ZNF431: variants seen among roughly 807,000 people sequenced by gnomAD.
ZNF431 encodes the protein zinc finger protein 431.
In ZNF431, 34 loss-of-function variants were observed where a neutral mutation model predicts 57.0. That is an observed-to-expected ratio of 0.60 (90% CI 0.45 to 0.79). The LOEUF is 0.79. ZNF431 is among the 30% of genes least tolerant of loss of function. The pLI, the probability that ZNF431 is intolerant of heterozygous loss-of-function variation, is 0.00. For synonymous variants in ZNF431, 207 were observed against 220.3 expected, an observed-to-expected ratio of 0.94 and a Z score of 0.54; for missense variants, 607 against 667.1, an observed-to-expected ratio of 0.91 and a Z score of 0.99.
chr19:21,186,231 C>T lies in ZNF431; in HGVS notation c.*2197C>T. ...CTGGGAGGTGGAGGTTGCAATGAGC[C>T]AAGATCACCCCACTGCACTCCAGCC... On this transcript the variant is annotated 3_prime_UTR_variant, in exon 5 of 5. Coordinates refer to ENST00000311048, the MANE Select transcript of ZNF431 (RefSeq NM_133473.4). 6.6e-6 allele frequency: 1 copy of T among 152,172 alleles called. No individual in the cohort carries two copies. Among genetic ancestry groups the T allele is most frequent in the Non-Finnish European group, 1.5e-5 (1 of 68,088 alleles). The allele number at this position is 152,172 out of a possible 1,614,324, so 9.4% of individuals were successfully genotyped here.
chr19:21,180,921 C>A (rs935838873), intron 4 of ZNF431, among the ~76,000 whole-genome samples: 4 of 143,650 alleles, frequency 2.8e-5, no homozygotes, highest in Non-Finnish European at 6.0e-5. Context: ...AGCCTGGCGA[C>A]AGAGTGAGAC....
rs756313635 is a variant in ZNF431 at position 21,183,972 on chromosome 19, AAAC to A, written c.1672_1674del (p.Gln558del). 1.3e-6 allele frequency: 2 copies of A among 1,595,054 alleles called. No homozygotes were observed. The highest frequency in any genetic ancestry group is 1.7e-6 in the Non-Finnish European group (2 of 1,173,622). On this transcript the variant is annotated inframe_deletion, in exon 5 of 5. Transcript: ENST00000311048. ...ATTTAACCAGTCCTCAAACCTTATTAAACAAAATAATTCATACTGGAGAGAAAC... is the reference window on the plus strand; with the variant it reads ...ATTTAACCAGTCCTCAAACCTTATTAAAAATAATTCATACTGGAGAGAAAC...
rs1166928986 is a variant in ZNF431 at position 21,184,075 on chromosome 19, T to C, written c.*41T>C. 4 of 1,507,148 alleles carry C rather than the reference T, an allele frequency of 2.7e-6. No homozygotes were observed. Among genetic ancestry groups the C allele is most frequent in the Non-Finnish European group, 3.5e-6 (4 of 1,130,122 alleles). The allele number at this position is 1,507,148 out of a possible 1,614,324, so 93.4% of individuals were successfully genotyped here. ...TACTAAGCATTAAATATTGGCCGGG[T>C]GCGGTGGCTTATGCAAAATGGCTCC... On this transcript the variant is annotated 3_prime_UTR_variant, in exon 5 of 5. Transcript: ENST00000311048.
intron 4 of ZNF431, among the ~76,000 whole-genome samples, chr19:21,174,191 T>G (rs999503606): frequency 1.3e-5 from 2 of 152,200 alleles, no homozygotes; most frequent in Non-Finnish European, 2.9e-5. Context: ...TGCTGAACTG[T>G]GAGCCAAATA....
rs565154793 is a variant in ZNF431 at position 21,161,938 on chromosome 19, G to A, written c.97-4397G>A. 2.1e-4 allele frequency among the ~76,000 whole-genome samples: 32 copies of A among 152,032 alleles called. No individual in the cohort carries two copies. The South Asian group carries it at 4.4e-3, about 21-fold the overall frequency. ...CAAAGTGTTGGGATTACAGGCGTGAGCCACCGCACCAAGCGTTCACCCCTT... is the reference window on the plus strand; with the variant it reads ...CAAAGTGTTGGGATTACAGGCGTGAACCACCGCACCAAGCGTTCACCCCTT... On this transcript the variant is annotated intron_variant, in intron 2 of 4. Transcript: ENST00000311048.
chr19:21,156,357 C>T (rs1970417060), intron 2 of ZNF431, among the ~76,000 whole-genome samples: 1 of 148,102 alleles, frequency 6.8e-6, no homozygotes, highest in Non-Finnish European at 1.5e-5. Flanking sequence ...CTTCCCCACG[C>T]ATGGATTTTT....
intron 2 of ZNF431, among the ~76,000 whole-genome samples, chr19:21,164,927 A>G (rs1188619761): frequency 2.6e-5 from 4 of 151,354 alleles, no homozygotes. Flanking sequence ...CCTGACCAAG[A>G]TGGATAAACC....
intron 2 of ZNF431, among the ~76,000 whole-genome samples, chr19:21,165,781 G>T (rs1970703899): frequency 6.6e-6 from 1 of 151,918 alleles, no homozygotes; most frequent in Non-Finnish European, 1.5e-5. Flanking sequence ...TTACAAGCCA[G>T]AAACATTGGG....
rs1234894915 is a variant in ZNF431 at position 21,190,591 on chromosome 19, G to A, written c.*6557G>A. The A allele has an allele frequency of 6.6e-6, 1 of 150,528 alleles. No individual in the cohort carries two copies. Among genetic ancestry groups the A allele is most frequent in the Non-Finnish European group, 1.5e-5 (1 of 67,806 alleles). 9.3% of individuals were successfully genotyped at this position (150,528 alleles called of 1,614,324 possible). A position where few individuals can be genotyped will look rare whatever the true frequency, so the allele number is the denominator to read the frequency against. On this transcript the variant is annotated 3_prime_UTR_variant, in exon 5 of 5. Transcript: ENST00000311048. ...TTTTTGTGATAATAGTCAACATTGAGCATTTAAAAATATATCCGTTGGACA... is the reference window on the plus strand; with the variant it reads ...TTTTTGTGATAATAGTCAACATTGAACATTTAAAAATATATCCGTTGGACA...
Position 21,190,072 on chromosome 19 carries a change from G to A in ZNF431, c.*6038G>A, listed in dbSNP as rs1971475709. On this transcript the variant is annotated 3_prime_UTR_variant, in exon 5 of 5. Coordinates refer to ENST00000311048, the MANE Select transcript of ZNF431 (RefSeq NM_133473.4). ...TAATCTCAGCTACTCCAGAGGCTGA[G>A]GCATGAGAATCCCTTGAACCACAGA... is the stretch of plus-strand genomic sequence containing the variant. 1 of 384,290 alleles carries A rather than the reference G, an allele frequency of 2.6e-6. No homozygotes were observed. Among genetic ancestry groups the A allele is most frequent in the African/African-American group, 2.1e-5 (1 of 48,412 alleles). The allele number at this position is 384,290 out of a possible 1,614,324, so 23.8% of individuals were successfully genotyped here.
intron 2 of ZNF431, chr19:21,149,819 G>A: frequency 1.5e-6 from 1 of 652,966 alleles, no homozygotes; most frequent in Admixed American, 1.9e-5. Flanking sequence ...TTTGTCTTCT[G>A]AGTTAACCTG....
At position 21,189,693 on chromosome 19, in the gene ZNF431, C is replaced by G. The variant is rs572877412; in HGVS notation, c.*5659C>G. 1 of 387,464 alleles carries G rather than the reference C, an allele frequency of 2.6e-6. No homozygotes were observed. Among genetic ancestry groups the G allele is most frequent in the African/African-American group, 2.1e-5 (1 of 48,442 alleles). The allele number at this position is 387,464 out of a possible 1,614,324, so 24.0% of individuals were successfully genotyped here. Reference sequence around the variant, plus strand: ...TCCATTTCTTATAAATAACTTGCATCTGATGGTCACCATTTTACTCTCTAC... The same window carrying G: ...TCCATTTCTTATAAATAACTTGCATGTGATGGTCACCATTTTACTCTCTAC... On this transcript the variant is annotated 3_prime_UTR_variant, in exon 5 of 5. Coordinates refer to ENST00000311048, the MANE Select transcript of ZNF431 (RefSeq NM_133473.4).
chr19:21,168,645 T>TTTAC, intron 4 of ZNF431, among the ~76,000 whole-genome samples: 2 of 152,272 alleles, frequency 1.3e-5, no homozygotes, highest in Middle Eastern at 3.4e-3. Flanking sequence ...GGATTATGGG[T>TTTAC]GTAAGCCACT....
At chr19:21,178,093 A>C (rs149661365) in intron 4 of ZNF431, among the ~76,000 whole-genome samples, 532 of 152,088 alleles carry the variant, frequency 3.5e-3, no homozygotes, top group African/African-American at 0.012. Context: ...TGTGAATGGG[A>C]GTTTATTCAT....
intron 2 of ZNF431, among the ~76,000 whole-genome samples, chr19:21,152,346 G>A (rs923271706): frequency 3.3e-5 from 5 of 152,148 alleles, no homozygotes; most frequent in Admixed American, 6.6e-5. Flanking sequence ...TCAGGTGGCC[G>A]CTTCTTGGTA....
intron 2 of ZNF431, among the ~76,000 whole-genome samples, chr19:21,158,248 A>C (rs1007085817): frequency 6.6e-6 from 1 of 151,954 alleles, no homozygotes; most frequent in African/African-American, 2.4e-5. Flanking sequence ...CCCAGGCTGG[A>C]GTGCAATGGT....
chr19:21,147,346 G>A (rs1383070900), intron 2 of ZNF431, among the ~76,000 whole-genome samples: 1 of 152,034 alleles, frequency 6.6e-6, no homozygotes, highest in Non-Finnish European at 1.5e-5. Flanking sequence ...AAAAATAGCT[G>A]GATGTGCTGG....
In ZNF431 at chr19:21,183,792, T is replaced by A; in HGVS notation, c.1489T>A (p.Ser497Thr). Residue 497 changes from serine (S) to threonine (T), a missense_variant, in exon 5 of 5, where the codon TCA (serine) becomes ACA (threonine). Transcript: ENST00000311048. ...ATGTGGCAAAGCTTTTAACCGATCC[T>A]CAAATCTTACTAAACATAAGATAAT... is the stretch of plus-strand genomic sequence containing the variant. Reference protein sequence around the residue: ...EECGKAFNRSSNLTKHKIIHT... With the variant: ...EECGKAFNRSTNLTKHKIIHT... 1 of 1,613,938 alleles carries A rather than the reference T, an allele frequency of 6.2e-7. No individual in the cohort carries two copies. The highest frequency in any genetic ancestry group is 8.5e-7 in the Non-Finnish European group (1 of 1,179,916).
chr19:21,150,208 C>A (rs957552950), intron 2 of ZNF431: 6 of 546,096 alleles, frequency 1.1e-5, no homozygotes, highest in Admixed American at 2.4e-5. Flanking sequence ...ACTGGTTAAT[C>A]ACAGAAAAAC....
Sources: allele counts gnomAD v4.1 joint callset (sites outside exome capture counted in the v4.1 genomes callset), GRCh38; gene constraint gnomAD v4.1.1; transcripts MANE v1.5; gene names NCBI Gene and HGNC (gene_info 2026-07-23, HGNC 2026-07-21).